The following ANKRD55 variants were observed in gnomAD, a reference collection of about 807,000 sequenced individuals.
ANKRD55 encodes ankyrin repeat domain 55.
In ANKRD55, 41 loss-of-function variants were observed where a neutral mutation model predicts 60.6. The ratio of observed to expected loss-of-function variants is 0.68; its 90% CI spans 0.53 to 0.88. The LOEUF is 0.88. Ranked by LOEUF, ANKRD55 falls within the 40% of genes least tolerant of loss-of-function variation. The pLI, the probability that ANKRD55 is intolerant of heterozygous loss-of-function variation, is 0.00. For synonymous variants in ANKRD55, 264 were observed against 290.3 expected, an observed-to-expected ratio of 0.91 and a Z score of 0.92; for missense variants, 732 against 767.6, an observed-to-expected ratio of 0.95 and a Z score of 0.55.
chr5:56,193,120 C>G, intron 2 of ANKRD55: 1 of 681,704 alleles, frequency 1.5e-6, no homozygotes, highest in Non-Finnish European at 2.4e-6. Flanking sequence ...CTAAAGAACA[C>G]ATTTATTTTA....
At chr5:56,225,542 T>A (rs1240049923) in intron 2 of ANKRD55, among the ~76,000 whole-genome samples, 1 of 152,190 alleles carries the variant, frequency 6.6e-6, no homozygotes, top group African/African-American at 2.4e-5. Flanking sequence ...GGAAGTCAAA[T>A]TGTCTCTGTT....
chr5:56,105,103 T>C (rs1411271929), intron 10 of ANKRD55, among the ~76,000 whole-genome samples: 2 of 150,888 alleles, frequency 1.3e-5, no homozygotes, highest in Admixed American at 6.6e-5. Context: ...TTTTTTTTTT[T>C]GGAGACAGTG....
chr5:56,135,211 T>TTTCCTTCCTTCC (rs201467096), intron 7 of ANKRD55, among the ~76,000 whole-genome samples: 4,697 of 118,384 alleles, frequency 0.04, 256 homozygotes, highest in East Asian at 0.093. Flanking sequence ...GTCTCACAAC[T>TTTCCTTCCTTCC]TTCCTTCCTT....
intron 9 of ANKRD55, among the ~76,000 whole-genome samples, chr5:56,115,526 C>A (rs1470623852): frequency 1.3e-5 from 2 of 151,826 alleles, no homozygotes; most frequent in Non-Finnish European, 2.9e-5. Flanking sequence ...ACCATGTTGG[C>A]CAGGCTGGTC....
intron 2 of ANKRD55, among the ~76,000 whole-genome samples, chr5:56,205,883 G>C (rs772388132): frequency 3.3e-5 from 5 of 151,988 alleles, no homozygotes; most frequent in African/African-American, 4.8e-5. Context: ...TGTAGTGGCT[G>C]CATTCTGTCA....
intron 2 of ANKRD55, among the ~76,000 whole-genome samples, chr5:56,231,639 C>T (rs1760254828): frequency 6.7e-6 from 1 of 149,272 alleles, no homozygotes; most frequent in South Asian, 2.1e-4. Flanking sequence ...TGAGCCGGCA[C>T]GTTCTGAAGG....
rs181549364 is a variant in ANKRD55, at chr5:56,112,167, G to C, written c.966-385C>G. Among the ~76,000 whole-genome samples, 354 of 152,248 alleles carry C rather than the reference G, an allele frequency of 2.3e-3. 1 individual carries two copies. Among genetic ancestry groups the C allele is most frequent in the African/African-American group, 8.0e-3 (333 of 41,538 alleles). ...TCAGTAGGCACGCAAGTTGAAGTCAGAGATGAAGCCTAAGGGTTTGAGTTC... is the reference window on the plus strand; with the variant it reads ...TCAGTAGGCACGCAAGTTGAAGTCACAGATGAAGCCTAAGGGTTTGAGTTC... On this transcript the variant is annotated intron_variant, in intron 9 of 11. Transcript: ENST00000341048.
chr5:56,229,563 A>G (rs1356015309), intron 2 of ANKRD55, among the ~76,000 whole-genome samples: 1 of 152,180 alleles, frequency 6.6e-6, no homozygotes, highest in Non-Finnish European at 1.5e-5. Flanking sequence ...GTGCAAGTTC[A>G]TGTAACTAGG....
intron 11 of ANKRD55, among the ~76,000 whole-genome samples, chr5:56,100,834 C>T (rs1189726528): frequency 6.6e-6 from 1 of 152,242 alleles, no homozygotes; most frequent in African/African-American, 2.4e-5. Context: ...TCTTCGGCTT[C>T]TCCAAGCTCC....
intron 8 of ANKRD55, among the ~76,000 whole-genome samples, chr5:56,120,850 G>A (rs1757026023): frequency 6.9e-6 from 1 of 144,954 alleles, no homozygotes; most frequent in South Asian, 2.2e-4. Flanking sequence ...AGTGAGCCAA[G>A]ATCGCGCCAC....
At position 56,150,119 on chromosome 5, in the gene ANKRD55, C is replaced by T. The variant is rs144221251; in HGVS notation, c.484-6190G>A. On this transcript the variant is annotated intron_variant, in intron 6 of 11. Coordinates refer to ENST00000341048, the MANE Select transcript of ANKRD55 (RefSeq NM_024669.3). ...CCTCCCAAAGTGCTAGGATTACAGG[C>T]GTGAGCCACTGCGCCCGGCCTATTT... Among the ~76,000 whole-genome samples, 232 of 152,222 alleles carry T rather than the reference C, an allele frequency of 1.5e-3. 3 individuals are homozygous for T. The East Asian group carries it at 0.029, about 19-fold the overall frequency.
chr5:56,144,266 G>A (rs1039984794), intron 6 of ANKRD55, among the ~76,000 whole-genome samples: 5 of 152,162 alleles, frequency 3.3e-5, no homozygotes, highest in Admixed American at 6.5e-5. Flanking sequence ...AAGAATGCAC[G>A]TAGGATGCTG....
chr5:56,217,127 T>C (rs985925453), intron 2 of ANKRD55, among the ~76,000 whole-genome samples: 4 of 152,214 alleles, frequency 2.6e-5, no homozygotes, highest in Non-Finnish European at 5.9e-5. Context: ...TCTTAACAAT[T>C]ATGTTAAATC....
At chr5:56,222,525 C>T (rs548947020) in intron 2 of ANKRD55, among the ~76,000 whole-genome samples, 1 of 152,302 alleles carries the variant, frequency 6.6e-6, no homozygotes, top group African/African-American at 2.4e-5. Context: ...GAGAAAAAGG[C>T]TTCAGAAGAT....
intron 6 of ANKRD55, among the ~76,000 whole-genome samples, chr5:56,147,820 G>A (rs1178341450): frequency 6.6e-6 from 1 of 152,112 alleles, no homozygotes; most frequent in Non-Finnish European, 1.5e-5. Context: ...CAGCTCAAAG[G>A]CAGCGGTTGG....
chr5:56,187,776 C>G (rs1161213091), intron 2 of ANKRD55, among the ~76,000 whole-genome samples: 3 of 152,186 alleles, frequency 2.0e-5, no homozygotes, highest in Non-Finnish European at 4.4e-5. Context: ...TCTAATAGAG[C>G]TATAACACTC....
rs150093349 is a variant in ANKRD55 at position 56,143,894 on chromosome 5, G to A, written c.519C>T (p.Asn173=). 3.1e-6 allele frequency: 5 copies of A among 1,614,012 alleles called. No individual in the cohort carries two copies. The African/African-American group carries it at 5.3e-5, about 17-fold the overall frequency. ...MTPLHWAAFH[N]QPQHTQMLLK... ...GCAGCATTTGTGTGTGTTGAGGCTG[G>A]TTGTGGAAAGCCGCCCAGTGGAGTG... Residue 173 remains asparagine (N), a synonymous_variant, in exon 7 of 12, where the codon AAC becomes AAT. Coordinates refer to ENST00000341048, the MANE Select transcript of ANKRD55 (RefSeq NM_024669.3).
chr5:56,135,288 C>CTTGCTTGCTTGCT (rs1561263938), intron 7 of ANKRD55, among the ~76,000 whole-genome samples: 1 of 92,974 alleles, frequency 1.1e-5, no homozygotes, highest in African/African-American at 3.9e-5. Context: ...CCCTGCCTGC[C>CTTGCTTGCTTGCT]TGCTTGCTTT....
rs924340182 is a variant in ANKRD55, at chr5:56,134,203, G to A, written c.613-7097C>T. On this transcript the variant is annotated intron_variant, in intron 7 of 11. Transcript: ENST00000341048. ...CACAACTTGATAACATATTTGAAAT[G>A]GACCAATTCCTTAAAAGACACAATC... is the stretch of plus-strand genomic sequence containing the variant. Among the ~76,000 whole-genome samples, 4 of 115,356 alleles carry A rather than the reference G, an allele frequency of 3.5e-5. 2 individuals are homozygous for A. The highest frequency in any genetic ancestry group is 8.2e-5 in the Non-Finnish European group (4 of 48,698). The allele number at this position is 115,356 out of a possible 152,430, so 75.7% of individuals were successfully genotyped here.
Sources: gnomAD v4.1 joint callset for allele counts (sites outside exome capture counted in the v4.1 genomes callset) on GRCh38, gnomAD v4.1.1 for gene constraint, MANE v1.5 for transcripts, NCBI Gene and HGNC (gene_info 2026-07-23, HGNC 2026-07-21) for gene names.